WASF3: variants seen among roughly 807,000 people sequenced by gnomAD.
WASF3 encodes the protein actin-binding protein WASF3.
A neutral mutation model predicts 46.6 loss-of-function variants in WASF3; 11 were observed. The observed-to-expected ratio is 0.24, with a 90% CI of 0.15 to 0.39. WASF3 has a LOEUF of 0.39. WASF3 is among the 10% of genes least tolerant of loss of function. WASF3 has a pLI of 1.00. For missense variants in WASF3, 576 were observed against 669.8 expected (o/e 0.86, Z 1.55); for synonymous variants, 242 against 259.7 (o/e 0.93, Z 0.65).
At chr13:26,642,485 G>A in intron 3 of WASF3, 82 bp downstream of exon 3, 1 of 1,449,200 alleles carries the variant, frequency 6.9e-7, no homozygotes, top group Non-Finnish European at 9.2e-7. Context: ...ATTGTCCAAA[G>A]AAGAGATTGC....
chr13:26,648,041 G>T (rs1044754228), intron 3 of WASF3, among the ~76,000 whole-genome samples: 5 of 152,058 alleles, frequency 3.3e-5, no homozygotes, highest in African/African-American at 1.2e-4. Flanking sequence ...TTTTACTAAT[G>T]TTGGACATAT....
rs1281390586 is a variant in WASF3, at chr13:26,687,296, TACTC to T, written c.*1453_*1456del. Reference sequence around the variant, plus strand: ...GTATTTCATATCCATTGTGGTTAGTTACTCAGTTATGTTGAGAAGAATCTGGAGC... The same window carrying T: ...GTATTTCATATCCATTGTGGTTAGTTAGTTATGTTGAGAAGAATCTGGAGC... On this transcript the variant is annotated 3_prime_UTR_variant, in exon 10 of 10. Coordinates refer to ENST00000335327, the MANE Select transcript of WASF3 (RefSeq NM_006646.6). 1.3e-5 allele frequency: 2 copies of T among 152,384 alleles called. No individual in the cohort carries two copies. Among genetic ancestry groups the T allele is most frequent in the South Asian group, 2.1e-4 (1 of 4,828 alleles). 9.4% of individuals were successfully genotyped at this position (152,384 alleles called of 1,614,324 possible). A position where few individuals can be genotyped will look rare whatever the true frequency, so the allele number is the denominator to read the frequency against.
intron 1 of WASF3, among the ~76,000 whole-genome samples, chr13:26,570,834 G>T (rs1270620895): frequency 6.6e-6 from 1 of 152,162 alleles, no homozygotes; most frequent in Non-Finnish European, 1.5e-5. Flanking sequence ...GGATTTCTGG[G>T]TTGAAGGATA....
chr13:26,672,501 A>G (rs1321925162), intron 6 of WASF3, among the ~76,000 whole-genome samples: 3 of 152,184 alleles, frequency 2.0e-5, no homozygotes, highest in South Asian at 2.1e-4. Flanking sequence ...GAGAATTGCA[A>G]GTTTGAAGGT....
intron 3 of WASF3, among the ~76,000 whole-genome samples, chr13:26,650,704 A>G (rs1882290262): frequency 6.6e-6 from 1 of 152,222 alleles, no homozygotes; most frequent in Non-Finnish European, 1.5e-5. Context: ...ATTTTTTTAA[A>G]TGCCAGAACT....
At chr13:26,591,700 C>G (rs1181930202) in intron 1 of WASF3, among the ~76,000 whole-genome samples, 2 of 152,058 alleles carry the variant, frequency 1.3e-5, no homozygotes. Flanking sequence ...TTTCAAAGTT[C>G]ATGGAAGTGG....
At chr13:26,589,202 A>C (rs74040611) in intron 1 of WASF3, among the ~76,000 whole-genome samples, 1 of 152,332 alleles carries the variant, frequency 6.6e-6, no homozygotes, top group South Asian at 2.1e-4. Flanking sequence ...TCAACCAAAT[A>C]GGTAGACTGT....
intron 1 of WASF3, among the ~76,000 whole-genome samples, chr13:26,566,171 T>G (rs898446799): frequency 2.6e-5 from 4 of 152,262 alleles, no homozygotes; most frequent in African/African-American, 9.6e-5. Context: ...CTTAGCATTT[T>G]TTCTCTTTTT....
At chr13:26,549,228 C>T in the WASF3 span, among the ~76,000 whole-genome samples, 3 of 152,110 alleles carry the variant, frequency 2.0e-5, no homozygotes, top group African/African-American at 7.2e-5. Flanking sequence ...GATCCACCCG[C>T]CTCAGCCTCC....
intron 1 of WASF3, among the ~76,000 whole-genome samples, chr13:26,600,981 G>T (rs990423060): frequency 1.8e-4 from 28 of 152,136 alleles, no homozygotes; most frequent in African/African-American, 6.3e-4. Flanking sequence ...ACATTTATAG[G>T]TTATATAGTA....
chr13:26,682,531 G>C lies in WASF3; in HGVS notation c.984-76G>C. The C allele has an allele frequency of 1.9e-6, 3 of 1,580,378 alleles. No individual in the cohort carries two copies. Among genetic ancestry groups the C allele is most frequent in the Non-Finnish European group, 2.6e-6 (3 of 1,158,946 alleles). Reference sequence around the variant, plus strand: ...ACGTGTTGTGTCTGGGGATGGCTCCGTTAGGTGTCTAAGAGCTCCCAGGAC... The same window carrying C: ...ACGTGTTGTGTCTGGGGATGGCTCCCTTAGGTGTCTAAGAGCTCCCAGGAC... On this transcript the variant is annotated intron_variant, in intron 8 of 9. Transcript: ENST00000335327. The surrounding 1 kb of genome is among the most constrained non-coding windows in gnomAD (Gnocchi z 4.4).
intron 1 of WASF3, among the ~76,000 whole-genome samples, chr13:26,590,354 C>G (rs1368363246): frequency 6.6e-6 from 1 of 152,064 alleles, no homozygotes; most frequent in Non-Finnish European, 1.5e-5. Flanking sequence ...TTTACTTTAA[C>G]TCCAGTAATA....
At chr13:26,655,664 A>G (rs1223557549) in intron 3 of WASF3, among the ~76,000 whole-genome samples, 1 of 152,158 alleles carries the variant, frequency 6.6e-6, no homozygotes, top group Non-Finnish European at 1.5e-5. Flanking sequence ...TTTCTTCAAC[A>G]TTAGTTAGTA....
At chr13:26,683,965 C>T (rs1209992449) in intron 9 of WASF3, among the ~76,000 whole-genome samples, 1 of 152,184 alleles carries the variant, frequency 6.6e-6, no homozygotes, top group African/African-American at 2.4e-5. Context: ...TGGGGAGCTG[C>T]ACAGACTTGG....
At chr13:26,672,771 C>T (rs1882958356) in intron 6 of WASF3, among the ~76,000 whole-genome samples, 1 of 152,098 alleles carries the variant, frequency 6.6e-6, no homozygotes, top group Non-Finnish European at 1.5e-5. Flanking sequence ...AGTTGATAGC[C>T]TTAGGGTTTT....
chr13:26,638,546 G>A (rs756879349), intron 2 of WASF3: 5 of 152,164 alleles, frequency 3.3e-5, no homozygotes, highest in African/African-American at 9.7e-5. Context: ...ATCAAGAGGC[G>A]TACTTAAGTA....
At chr13:26,586,699 A>C (rs781005899) in intron 1 of WASF3, among the ~76,000 whole-genome samples, 1 of 152,306 alleles carries the variant, frequency 6.6e-6, no homozygotes, top group East Asian at 1.9e-4. Context: ...ATCAATTCTA[A>C]GAGCCCCATC....
intron 8 of WASF3, among the ~76,000 whole-genome samples, chr13:26,681,909 A>C (rs1883243367): frequency 6.6e-6 from 1 of 152,096 alleles, no homozygotes; most frequent in African/African-American, 2.4e-5. Context: ...CATTCCTCAG[A>C]GTTGGTGCCC....
chr13:26,665,677 A>T (rs1882749695), intron 4 of WASF3, among the ~76,000 whole-genome samples: 2 of 152,222 alleles, frequency 1.3e-5, no homozygotes, highest in African/African-American at 4.8e-5. Context: ...AGGCTTTAAA[A>T]TAATGTTAAT....
Sources: allele counts gnomAD v4.1 joint callset (sites outside exome capture counted in the v4.1 genomes callset), GRCh38; gene constraint gnomAD v4.1.1; non-coding constraint Gnocchi (gnomAD v3.1); transcripts MANE v1.5; gene names NCBI Gene and HGNC (gene_info 2026-07-23, HGNC 2026-07-21).